The following FKBP14 variants were observed in gnomAD, a reference collection of about 807,000 sequenced individuals.
FKBP14 encodes the protein FKBP prolyl isomerase 14, also known as peptidyl-prolyl cis-trans isomerase FKBP14.
In FKBP14, 20 loss-of-function variants were observed where a neutral mutation model predicts 21.6. That is an observed-to-expected ratio of 0.92 (90% CI 0.65 to 1.34). The LOEUF is 1.34. Among genes scored for constraint, FKBP14 ranks in the 40% most tolerant of loss-of-function variants. The pLI, the probability that FKBP14 is intolerant of heterozygous loss-of-function variation, is 0.00. For missense variants in FKBP14, 253 were observed against 249.0 expected, an observed-to-expected ratio of 1.02 and a Z score of -0.11; for synonymous variants, 79 against 86.7, an observed-to-expected ratio of 0.91 and a Z score of 0.49.
intron 3 of FKBP14, among the ~76,000 whole-genome samples, chr7:30,016,592 C>G (rs952490204): frequency 1.3e-5 from 2 of 151,962 alleles, no homozygotes; most frequent in African/African-American, 4.8e-5. Flanking sequence ...CAGGGTTTCA[C>G]CAAGTTGGCC....
chr7:30,007,330 C>T (rs574063436), downstream of FKBP14, among the ~76,000 whole-genome samples: 6 of 151,786 alleles, frequency 4.0e-5, no homozygotes, highest in East Asian at 1.2e-3. Context: ...CTGCCTCAGC[C>T]TCCCAAGTAG....
chr7:30,015,049 T>C (rs913068586), intron 3 of FKBP14, among the ~76,000 whole-genome samples, 156 bp from the exon 4 acceptor site: 1 of 152,096 alleles, frequency 6.6e-6, no homozygotes, highest in Non-Finnish European at 1.5e-5. Context: ...TAATGATAAT[T>C]AAAAAATAAT....
Position 30,026,650 on chromosome 7 carries a change from T to C in FKBP14, c.-142A>G, listed in dbSNP as rs1486874930. On this transcript the variant is annotated 5_prime_UTR_variant, in exon 1 of 4. Coordinates refer to ENST00000222803, the MANE Select transcript of FKBP14 (RefSeq NM_017946.4). ...CCCCTTCTTAGAAGACGTGGCACAT[T>C]TACCACCAACTCTTTTCTCAAGGGT... is the stretch of plus-strand genomic sequence containing the variant. 1 of 680,940 alleles carries C rather than the reference T, an allele frequency of 1.5e-6. No individual in the cohort carries two copies. Among genetic ancestry groups the C allele is most frequent in the Non-Finnish European group, 2.4e-6 (1 of 418,990 alleles). 42.2% of individuals were successfully genotyped at this position (680,940 alleles called of 1,614,324 possible).
chr7:30,021,605 G>C (rs1039700121), intron 2 of FKBP14, among the ~76,000 whole-genome samples: 7 of 151,780 alleles, frequency 4.6e-5, no homozygotes, highest in Admixed American at 2.6e-4. Flanking sequence ...CCCCAGGCTG[G>C]AGTATAGTGG....
chr7:30,026,702 C>G lies in FKBP14; in HGVS notation c.-194G>C. ...ACGAACCTACCTTTAAAGAGTTAAG[C>G]CCAAATGCCGGCCTGACTGGCTCTT... is the stretch of plus-strand genomic sequence containing the variant. On this transcript the variant is annotated 5_prime_UTR_variant, in exon 1 of 4. Coordinates refer to ENST00000222803, the MANE Select transcript of FKBP14 (RefSeq NM_017946.4). 1 of 501,396 alleles carries G rather than the reference C, an allele frequency of 2.0e-6. No individual in the cohort carries two copies. Among genetic ancestry groups the G allele is most frequent in the Non-Finnish European group, 3.5e-6 (1 of 286,294 alleles). The allele number at this position is 501,396 out of a possible 1,614,324, so 31.1% of individuals were successfully genotyped here.
intron 2 of FKBP14, chr7:30,020,192 A>T (rs950594023): frequency 8.6e-7 from 1 of 1,163,866 alleles, no homozygotes; most frequent in African/African-American, 1.7e-5. Flanking sequence ...GAGAAGACTT[A>T]TAAAGTGTGC....
chr7:30,009,267 C>G (rs1789671787), downstream of FKBP14, among the ~76,000 whole-genome samples: 1 of 147,794 alleles, frequency 6.8e-6, no homozygotes, highest in Non-Finnish European at 1.5e-5. Context: ...GAATCTTGCT[C>G]TGTCACTCAA....
intron 3 of FKBP14, among the ~76,000 whole-genome samples, chr7:30,018,197 T>C (rs1054221721): frequency 6.6e-6 from 1 of 152,192 alleles, no homozygotes; most frequent in African/African-American, 2.4e-5. Flanking sequence ...CATGAACCCC[T>C]GGTTCGTAAC....
At chr7:30,026,233 G>T in intron 1 of FKBP14, 79 bp downstream of exon 1, 1 of 1,367,836 alleles carries the variant, frequency 7.3e-7, no homozygotes, top group Non-Finnish European at 9.9e-7. Flanking sequence ...CCAGGTACAG[G>T]CCACCTTTCC....
chr7:30,008,441 C>G (rs933719933), downstream of FKBP14: 1 of 152,256 alleles, frequency 6.6e-6, no homozygotes, highest in African/African-American at 2.4e-5. Context: ...AGAATGCTGG[C>G]CAGGCACGGT....
intron 1 of FKBP14, among the ~76,000 whole-genome samples, chr7:30,024,486 C>T (rs370301321): frequency 5.6e-4 from 86 of 152,274 alleles, no homozygotes; most frequent in African/African-American, 1.4e-3. Context: ...CTGCAGCCTC[C>T]GCCTCCTGGG....
At chr7:30,017,132 G>A (rs777891629) in intron 3 of FKBP14, among the ~76,000 whole-genome samples, 1 of 151,814 alleles carries the variant, frequency 6.6e-6, no homozygotes, top group Non-Finnish European at 1.5e-5. Context: ...AAACTAAGCC[G>A]GGTGCAATGG....
At position 30,019,108 on chromosome 7, in the gene FKBP14, T is replaced by C. The variant is rs1789965131; in HGVS notation, c.365A>G (p.Glu122Gly). The C allele has an allele frequency of 6.3e-7, 1 of 1,575,698 alleles. No homozygotes were observed. The highest frequency in any genetic ancestry group is 8.6e-7 in the Non-Finnish European group (1 of 1,168,522). Residue 122 changes from glutamate to glycine, a missense_variant, in exon 3 of 4, where the codon GAA (glutamate) becomes GGA (glycine). Transcript: ENST00000222803. ...ATCAATATTAAATATCAGTGTACTT[T>C]CTGGGGGAATTTTACCTGACGTGAG... Reference protein sequence around the residue: ...GKEGKGKIPPESTLIFNIDLL... With the variant: ...GKEGKGKIPPGSTLIFNIDLL...
rs181380636 is a variant in FKBP14, at chr7:30,016,407, T to A, written c.478-1514A>T. The stretch of plus-strand genomic sequence containing the variant: ...CATTTGTTTTTTTGTTTTTCTTTTT[T>A]TTTTGAAATAGAGTCTTGCTCTGTC... On this transcript the variant is annotated intron_variant, in intron 3 of 3. Transcript: ENST00000222803. Among the ~76,000 whole-genome samples the A allele has an allele frequency of 4.7e-4, 72 of 152,032 alleles. 1 individual carries two copies. The highest frequency in any genetic ancestry group is 3.4e-3 in the Middle Eastern group (1 of 292).
Position 30,014,594 on chromosome 7 carries a change from G to A in FKBP14, c.*141C>T, listed in dbSNP as rs570202173. 2 of 500,560 alleles carry A rather than the reference G, an allele frequency of 4.0e-6. No individual in the cohort carries two copies. The highest frequency in any genetic ancestry group is 4.3e-5 in the Admixed American group (1 of 23,420). The allele number at this position is 500,560 out of a possible 1,614,324, so 31.0% of individuals were successfully genotyped here. A position where few individuals can be genotyped will look rare whatever the true frequency, so the allele number is the denominator to read the frequency against. On this transcript the variant is annotated 3_prime_UTR_variant, in exon 4 of 4. Coordinates refer to ENST00000222803, the MANE Select transcript of FKBP14 (RefSeq NM_017946.4). Reference sequence around the variant, plus strand: ...AAATGGGTACTTAGAAACCTAAGGGGTTCTTTAAATAGGAGTCAGAAAAAA... The same window carrying A: ...AAATGGGTACTTAGAAACCTAAGGGATTCTTTAAATAGGAGTCAGAAAAAA...
intron 2 of FKBP14, 27 bp from the exon 3 acceptor site, chr7:30,019,150 T>G: frequency 1.3e-6 from 2 of 1,553,394 alleles, no homozygotes; most frequent in Non-Finnish European, 1.7e-6. Flanking sequence ...AGGCAGAAAG[T>G]TTTAAAAGAG....
intron 3 of FKBP14, among the ~76,000 whole-genome samples, chr7:30,016,909 A>C (rs1173073103): frequency 6.6e-6 from 1 of 152,154 alleles, no homozygotes; most frequent in Admixed American, 6.5e-5. Context: ...GATTTAATGC[A>C]GTTGTTAAAA....
downstream of FKBP14, chr7:30,008,389 T>C (rs1244298988): frequency 6.6e-6 from 1 of 151,498 alleles, no homozygotes; most frequent in African/African-American, 2.4e-5. Context: ...TAAGAATGTA[T>C]TGATTTCATT....
chr7:30,017,181 A>C (rs1363426263), intron 3 of FKBP14, among the ~76,000 whole-genome samples: 1 of 151,950 alleles, frequency 6.6e-6, no homozygotes, highest in Admixed American at 6.5e-5. Context: ...CTCTACAAAA[A>C]AAAAAACAGA....
Sources: gnomAD v4.1 joint callset for allele counts (sites outside exome capture counted in the v4.1 genomes callset) on GRCh38, gnomAD v4.1.1 for gene constraint, MANE v1.5 for transcripts, NCBI Gene and HGNC (gene_info 2026-07-23, HGNC 2026-07-21) for gene names.